Variants in XPNPEP1 observed in about 807,000 individuals in gnomAD.
XPNPEP1 encodes X-prolyl aminopeptidase 1.
A neutral mutation model predicts 92.4 loss-of-function variants in XPNPEP1; 39 were observed. That is an observed-to-expected ratio of 0.42 (90% CI 0.33 to 0.55). XPNPEP1 has a LOEUF of 0.55. Ranked by LOEUF, XPNPEP1 falls within the 20% of genes least tolerant of loss-of-function variation. XPNPEP1 has a pLI of 0.08. For missense variants in XPNPEP1, 654 were observed against 856.1 expected, an observed-to-expected ratio of 0.76 and a Z score of 2.95; for synonymous variants, 307 against 299.4, an observed-to-expected ratio of 1.03 and a Z score of -0.26.
intron 15 of XPNPEP1, among the ~76,000 whole-genome samples, chr10:109,875,296 T>C (rs746525009): frequency 6.6e-5 from 10 of 152,336 alleles, no homozygotes; most frequent in Non-Finnish European, 1.3e-4. Context: ...TTTTTAAAAC[T>C]TCCAGCCAAG....
intron 4 of XPNPEP1, 94 bp downstream of exon 4, chr10:109,892,918 T>C: frequency 7.6e-7 from 1 of 1,321,470 alleles, no homozygotes. Context: ...TTGCATTTTC[T>C]TTTTGCTTCT....
chr10:109,888,475 C>G, intron 6 of XPNPEP1, 28 bp downstream of exon 6: 2 of 1,585,470 alleles, frequency 1.3e-6, no homozygotes, highest in Non-Finnish European at 1.7e-6. Flanking sequence ...CTTCCTTACC[C>G]AAGCAGAAAG....
At chr10:109,884,706 G>C (rs1848295311) in intron 8 of XPNPEP1, among the ~76,000 whole-genome samples, 1 of 152,210 alleles carries the variant, frequency 6.6e-6, no homozygotes, top group Non-Finnish European at 1.5e-5. Context: ...TGAAATCAGA[G>C]CCTGCAGCCC....
At chr10:109,871,732 G>C in intron 17 of XPNPEP1, 60 bp downstream of exon 17, 2 of 1,552,472 alleles carry the variant, frequency 1.3e-6, no homozygotes, top group South Asian at 2.3e-5. Context: ...CTCAAACATA[G>C]ACATATTTGA....
chr10:109,903,350 G>C lies in XPNPEP1; in HGVS notation c.246+4341C>G, dbSNP rs4445572. Among the ~76,000 whole-genome samples, 934 of 152,262 alleles carry C rather than the reference G, an allele frequency of 6.1e-3. 11 individuals carry two copies. Among genetic ancestry groups the C allele is most frequent in the African/African-American group, 0.022 (895 of 41,556 alleles). On this transcript the variant is annotated intron_variant, in intron 3 of 20. Transcript: ENST00000502935. ...GAGTCTTCAGCTGAGGCTCCATGACGACCTGTGAGAACCCTTTCGGAGGAG... is the reference window on the plus strand; with the variant it reads ...GAGTCTTCAGCTGAGGCTCCATGACCACCTGTGAGAACCCTTTCGGAGGAG...
Position 109,870,820 on chromosome 10 carries a change from G to T in XPNPEP1, c.1607C>A (p.Ser536Tyr). The T allele has an allele frequency of 6.2e-7, 1 of 1,614,082 alleles. No individual in the cohort carries two copies. Among genetic ancestry groups the T allele is most frequent in the South Asian group, 1.1e-5 (1 of 91,080 alleles). The change falls in exon 18 of 21, where the codon TCT becomes TAT. Residue 536 changes from serine to tyrosine, a missense_variant. By Grantham distance (144) the Ser-to-Tyr change is moderately radical. Coordinates refer to ENST00000502935, the MANE Select transcript of XPNPEP1 (RefSeq NM_020383.4). Reference protein sequence around the residue: ...YLHGTGHGVGSFLNVHEGPCG... With the variant: ...YLHGTGHGVGYFLNVHEGPCG... ...AGGACCCTCATGGACATTCAAAAAA[G>T]ACCCAACACCATGTCCAGTCCCGTG... is the stretch of plus-strand genomic sequence containing the variant.
chr10:109,890,841 G>T (rs767596083), intron 5 of XPNPEP1, among the ~76,000 whole-genome samples: 1 of 152,182 alleles, frequency 6.6e-6, no homozygotes, highest in Non-Finnish European at 1.5e-5. Flanking sequence ...TGGCTGCCTG[G>T]ATCTCAAGGT....
chr10:109,893,161 G>A (rs759799828), intron 3 of XPNPEP1, 86 bp from the exon 4 acceptor site: 19 of 1,311,382 alleles, frequency 1.4e-5, no homozygotes, highest in East Asian at 4.8e-5. Context: ...TAGGCTCAGC[G>A]GGGACTATGA....
At chr10:109,895,248 A>G (rs1848923328) in intron 3 of XPNPEP1, among the ~76,000 whole-genome samples, 1 of 152,204 alleles carries the variant, frequency 6.6e-6, no homozygotes, top group Non-Finnish European at 1.5e-5. Context: ...CAGGGTGAAG[A>G]TACTGGCAAA....
At chr10:109,878,275 CTATTGTGCTTCAG>C (rs1230060257) in intron 12 of XPNPEP1, 2 of 542,162 alleles carry the variant, frequency 3.7e-6, no homozygotes, top group Non-Finnish European at 6.5e-6. Context: ...TTTCACTCAA[CTATTGTGCTTCAG>C]TATTTTATCC....
At chr10:109,889,874 A>C (rs1029008621) in intron 5 of XPNPEP1, among the ~76,000 whole-genome samples, 2 of 152,174 alleles carry the variant, frequency 1.3e-5, no homozygotes, top group African/African-American at 4.8e-5. Context: ...ATTCTAAAAA[A>C]CTGCCTAGAA....
intron 2 of XPNPEP1, among the ~76,000 whole-genome samples, chr10:109,913,259 C>A (rs1564792962): frequency 6.6e-6 from 1 of 152,224 alleles, no homozygotes; most frequent in Non-Finnish European, 1.5e-5. Context: ...ATACTTACCT[C>A]ACTGGTGGCC....
Position 109,884,086 on chromosome 10 carries a change from T to C in XPNPEP1, c.811A>G (p.Ile271Val), listed in dbSNP as rs1278218420. 1.2e-6 allele frequency: 2 copies of C among 1,614,072 alleles called. No individual in the cohort carries two copies. Residue 271 changes from isoleucine to valine, a missense_variant, in exon 9 of 21, where the codon ATA (isoleucine) becomes GTA (valine). Coordinates refer to ENST00000502935, the MANE Select transcript of XPNPEP1 (RefSeq NM_020383.4). Reference protein sequence around the residue: ...HNPVFFSYAIIGLETIMLFID... With the variant: ...HNPVFFSYAIVGLETIMLFID... ...ACTCACATGATCGTCTCTAGTCCTA[T>C]GATTGCGTAGGAGAAAAATACTGGA... is the stretch of plus-strand genomic sequence containing the variant.
intron 20 of XPNPEP1, among the ~76,000 whole-genome samples, chr10:109,865,941 T>C (rs1847117347): frequency 6.6e-6 from 1 of 152,180 alleles, no homozygotes; most frequent in South Asian, 2.1e-4. Flanking sequence ...CTGGCAGGAC[T>C]TGGTGCCTGG....
chr10:109,909,617 G>A (rs938480483), intron 2 of XPNPEP1, among the ~76,000 whole-genome samples: 10 of 152,268 alleles, frequency 6.6e-5, no homozygotes, highest in Non-Finnish European at 1.3e-4. Context: ...ATTAGTTAAT[G>A]TTCTGATAAA....
rs1364874349 is a variant in XPNPEP1, at chr10:109,884,053, G to C, written c.830+14C>G. ...GCTCTGGAAGGGAGTTCCAGATGCA[G>C]GGCAAACACTCACATGATCGTCTCT... On this transcript the variant is annotated intron_variant, in intron 9 of 20. Transcript: ENST00000502935. The C allele has an allele frequency of 2.0e-5, 33 of 1,612,146 alleles. No individual in the cohort carries two copies. The highest frequency in any genetic ancestry group is 2.7e-5 in the Non-Finnish European group (32 of 1,179,070).
At chr10:109,898,670 T>G (rs1016657486) in intron 3 of XPNPEP1, among the ~76,000 whole-genome samples, 7 of 152,236 alleles carry the variant, frequency 4.6e-5, no homozygotes, top group African/African-American at 1.7e-4. Flanking sequence ...AGGGAGCAGC[T>G]GCAGAGATTT....
rs1410929864 is a variant in XPNPEP1, at chr10:109,914,459, A to G, written c.121+552T>C. ...CAAAAATGGAAAACGAAAAAAACAA[A>G]CAACAAAAAAAAAGTTGTAATTCTC... On this transcript the variant is annotated intron_variant, in intron 2 of 20. Transcript: ENST00000502935. 2.0e-5 allele frequency among the ~76,000 whole-genome samples: 3 copies of G among 152,086 alleles called. No individual in the cohort carries two copies. The East Asian group carries it at 5.8e-4, about 29-fold the overall frequency.
chr10:109,913,899 C>G (rs1320733375), intron 2 of XPNPEP1, among the ~76,000 whole-genome samples: 1 of 152,044 alleles, frequency 6.6e-6, no homozygotes, highest in Non-Finnish European at 1.5e-5. Context: ...TTTTTCCTTT[C>G]TTTACTTTCT....
Sources: allele counts gnomAD v4.1 joint callset (sites outside exome capture counted in the v4.1 genomes callset), GRCh38; gene constraint gnomAD v4.1.1; transcripts MANE v1.5; gene names NCBI Gene and HGNC (gene_info 2026-07-23, HGNC 2026-07-21).